The following GLCCI1 variants were observed in gnomAD, a reference collection of about 807,000 sequenced individuals.
GLCCI1 encodes the protein glucocorticoid-induced transcript 1 protein.
In GLCCI1, 24 loss-of-function variants were observed where a neutral mutation model predicts 52.2. That is an observed-to-expected ratio of 0.46 (90% CI 0.33 to 0.65). The LOEUF (loss-of-function observed/expected upper bound fraction) is 0.65, where lower values mean the gene tolerates loss of function less well. Ranked by LOEUF, GLCCI1 falls within the 30% of genes least tolerant of loss-of-function variation. GLCCI1 has a pLI of 0.02. For missense variants in GLCCI1, 704 were observed against 701.5 expected, an observed-to-expected ratio of 1.00 and a Z score of -0.04; for synonymous variants, 310 against 276.5, an observed-to-expected ratio of 1.12 and a Z score of -1.20.
At chr7:8,009,489 T>C (rs558864964) in intron 2 of GLCCI1, among the ~76,000 whole-genome samples, 29 of 152,342 alleles carry the variant, frequency 1.9e-4, no homozygotes, top group African/African-American at 7.0e-4. Flanking sequence ...TTCATAAATA[T>C]TGGCATTCTC....
intron 2 of GLCCI1, among the ~76,000 whole-genome samples, chr7:8,015,874 C>G (rs1781367033): frequency 6.6e-6 from 1 of 152,164 alleles, no homozygotes. Flanking sequence ...TACCCTGATA[C>G]TCAGTTTTCT....
chr7:8,013,133 G>A (rs934972470), intron 2 of GLCCI1, among the ~76,000 whole-genome samples: 1 of 152,178 alleles, frequency 6.6e-6, no homozygotes, highest in African/African-American at 2.4e-5. Context: ...TCTGTGCCTT[G>A]TGGCTTTTTG....
At chr7:8,021,607 T>C (rs1781494603) in intron 2 of GLCCI1, among the ~76,000 whole-genome samples, 1 of 152,182 alleles carries the variant, frequency 6.6e-6, no homozygotes, top group South Asian at 2.1e-4. Flanking sequence ...TTCACCATGT[T>C]GGTCAGGCTG....
intron 5 of GLCCI1, among the ~76,000 whole-genome samples, chr7:8,063,827 G>C (rs1330996067): frequency 6.6e-6 from 1 of 151,392 alleles, no homozygotes; most frequent in Non-Finnish European, 1.5e-5. Flanking sequence ...TTGCTAATTT[G>C]CCCAGGCTTG....
intron 6 of GLCCI1, among the ~76,000 whole-genome samples, chr7:8,071,468 T>G (rs1467123655): frequency 6.6e-6 from 1 of 152,204 alleles, no homozygotes; most frequent in Non-Finnish European, 1.5e-5. Context: ...TTTACCATGG[T>G]AAAATCAAGC....
chr7:8,043,403 A>G (rs917687719), intron 3 of GLCCI1, among the ~76,000 whole-genome samples: 1 of 152,200 alleles, frequency 6.6e-6, no homozygotes, highest in African/African-American at 2.4e-5. Context: ...TTATTTGCAA[A>G]AACATATGAC....
chr7:7,990,313 G>A (rs1780812638), intron 1 of GLCCI1, among the ~76,000 whole-genome samples: 1 of 152,096 alleles, frequency 6.6e-6, no homozygotes, highest in South Asian at 2.1e-4. Context: ...AAAACTTTGT[G>A]ACTGTAGTCT....
At chr7:8,039,278 G>A (rs1475876255) in intron 3 of GLCCI1, among the ~76,000 whole-genome samples, 13 of 152,018 alleles carry the variant, frequency 8.6e-5, no homozygotes, top group African/African-American at 2.9e-4. Flanking sequence ...AAATTATATC[G>A]GAGACACCTC....
chr7:7,979,816 G>A (rs566534561), intron 1 of GLCCI1, among the ~76,000 whole-genome samples: 4 of 152,306 alleles, frequency 2.6e-5, no homozygotes, highest in African/African-American at 9.6e-5. Flanking sequence ...ATCTGCTATT[G>A]CTGAGCTAGA....
In GLCCI1 at chr7:8,071,238, T is replaced by C. The variant is rs543121501; in HGVS notation, c.1177+107T>C. On this transcript the variant is annotated intron_variant, in intron 6 of 7. Transcript: ENST00000223145. The stretch of plus-strand genomic sequence containing the variant: ...TTTTTCTTTTGTTCAATGGTGACAT[T>C]GTCAAAGATTGGTTAATCTAGGTTT... The C allele has an allele frequency of 1.5e-4, 129 of 857,246 alleles. 2 individuals carry two copies. The South Asian group carries it at 2.2e-3, about 15-fold the overall frequency. The allele number at this position is 857,246 out of a possible 1,614,324, so 53.1% of individuals were successfully genotyped here.
At position 8,060,240 on chromosome 7, in the gene GLCCI1, G is replaced by T; in HGVS notation, c.958G>T (p.Val320Leu). Residue 320 changes from valine to leucine, a missense_variant, in exon 5 of 8, where the codon GTA becomes TTA. Transcript: ENST00000223145. ...FIKENNGKEE[V>L]SKPLDIPDGR... ...TAAAGAAAATAATGGGAAGGAAGAA[G>T]TATCCAAGGTAAGGTTACATGGGAT... The T allele has an allele frequency of 6.2e-7, 1 of 1,608,908 alleles. No individual in the cohort carries two copies. The highest frequency in any genetic ancestry group is 1.1e-5 in the South Asian group (1 of 90,688).
chr7:7,988,394 C>T (rs543091388), intron 1 of GLCCI1, among the ~76,000 whole-genome samples: 16 of 152,236 alleles, frequency 1.1e-4, no homozygotes, highest in African/African-American at 3.9e-4. Context: ...ATCTTAAGAA[C>T]TTTCGAATAA....
At chr7:8,025,906 A>G (rs1476038365) in intron 3 of GLCCI1, among the ~76,000 whole-genome samples, 1 of 152,262 alleles carries the variant, frequency 6.6e-6, no homozygotes, top group Non-Finnish European at 1.5e-5. Flanking sequence ...GCATTCCCAG[A>G]TAAAACTTGA....
At chr7:7,994,514 A>G (rs1357165659) in intron 1 of GLCCI1, among the ~76,000 whole-genome samples, 1 of 152,210 alleles carries the variant, frequency 6.6e-6, no homozygotes, top group Non-Finnish European at 1.5e-5. Flanking sequence ...CAGAGGTAGA[A>G]AGGCAAGAGA....
intron 6 of GLCCI1, among the ~76,000 whole-genome samples, chr7:8,078,096 T>A (rs919716189): frequency 6.7e-6 from 1 of 149,216 alleles, no homozygotes; most frequent in African/African-American, 2.5e-5. Context: ...GAGCCGGGCG[T>A]GGTGGCGGGC....
chr7:8,077,679 G>T (rs1251972753), intron 6 of GLCCI1, among the ~76,000 whole-genome samples: 1 of 152,162 alleles, frequency 6.6e-6, no homozygotes, highest in Non-Finnish European at 1.5e-5. Flanking sequence ...TTAGGTAGGT[G>T]ACATTGTCAT....
At chr7:8,044,134 A>G (rs1782067228) in intron 3 of GLCCI1, among the ~76,000 whole-genome samples, 1 of 151,884 alleles carries the variant, frequency 6.6e-6, no homozygotes, top group African/African-American at 2.4e-5. Context: ...TTTAGTAGAG[A>G]CAGGGTTTCA....
At chr7:8,031,628 G>C (rs547129678) in intron 3 of GLCCI1, among the ~76,000 whole-genome samples, 153 of 152,120 alleles carry the variant, frequency 1.0e-3, no homozygotes, top group Non-Finnish European at 1.2e-3. Context: ...ATTATGCATT[G>C]CATGCCTGTG....
At chr7:8,053,426 A>G (rs1223611669) in intron 3 of GLCCI1, among the ~76,000 whole-genome samples, 3 of 149,892 alleles carry the variant, frequency 2.0e-5, no homozygotes, top group Non-Finnish European at 3.0e-5. Flanking sequence ...AGGTTCAAGC[A>G]ATTCTTTTGC....
Sources: gnomAD v4.1 joint callset for allele counts (sites outside exome capture counted in the v4.1 genomes callset) on GRCh38, gnomAD v4.1.1 for gene constraint, MANE v1.5 for transcripts, NCBI Gene and HGNC (gene_info 2026-07-23, HGNC 2026-07-21) for gene names.